The following HDAC4 variants were observed in gnomAD, a reference collection of about 807,000 sequenced individuals.
HDAC4 encodes the protein histone deacetylase A.
In HDAC4, 16 loss-of-function variants were observed where a neutral mutation model predicts 135.1. The ratio of observed to expected loss-of-function variants is 0.12; its 90% CI spans 0.08 to 0.18. The LOEUF (loss-of-function observed/expected upper bound fraction) is 0.18, where lower values mean the gene tolerates loss of function less well. Among genes scored for constraint, HDAC4 ranks in the 10% least tolerant of loss-of-function variants. The probability of loss-of-function intolerance (pLI) is 1.00; values close to 1 mark genes in which losing one functional copy is unlikely to be tolerated. For synonymous variants in HDAC4, 685 were observed against 653.4 expected (o/e 1.05, Z -0.74); for missense variants, 1,143 against 1,511.8 (o/e 0.76, Z 4.05).
At chr2:239,099,075 G>C (rs1304871190) in intron 16 of HDAC4, among the ~76,000 whole-genome samples, 1 of 152,218 alleles carries the variant, frequency 6.6e-6, no homozygotes, top group Admixed American at 6.5e-5. Flanking sequence ...CAAGAAAGGG[G>C]TCTTCCTTTT....
chr2:239,351,590 A>C (rs567236979), intron 2 of HDAC4: 1 of 154,530 alleles, frequency 6.5e-6, no homozygotes, highest in African/African-American at 2.4e-5. Flanking sequence ...GTCAATACAT[A>C]AACAATTTAA....
intron 1 of HDAC4, among the ~76,000 whole-genome samples, chr2:239,395,544 T>G (rs1015307228): frequency 5.9e-5 from 9 of 152,354 alleles, no homozygotes; most frequent in East Asian, 1.9e-4. Flanking sequence ...TTCAAATTAC[T>G]ACTGTAAAAA....
chr2:239,084,775 T>G (rs1303135853), intron 19 of HDAC4, among the ~76,000 whole-genome samples: 1 of 79,014 alleles, frequency 1.3e-5, no homozygotes. Flanking sequence ...CCACACACAC[T>G]CCACACAGAC....
chr2:239,083,879 CA>C (rs934348475), intron 20 of HDAC4, among the ~76,000 whole-genome samples: 6 of 152,252 alleles, frequency 3.9e-5, no homozygotes, highest in African/African-American at 1.4e-4. Context: ...ACCTGTCTTC[CA>C]AGAAGATCTC....
chr2:239,355,670 G>A lies in HDAC4; in HGVS notation c.-219-2752C>T, dbSNP rs576882093. ...TATTTCCCTCTTCCATACATTCTGG[G>A]ATACCCTTTTTTTGACAGGTCCAAA... is the stretch of plus-strand genomic sequence containing the variant. On this transcript the variant is annotated intron_variant, in intron 1 of 26. Transcript: ENST00000543185. Among the ~76,000 whole-genome samples, 14 of 152,254 alleles carry A rather than the reference G, an allele frequency of 9.2e-5. No individual in the cohort carries two copies. The South Asian group carries it at 2.5e-3, about 27-fold the overall frequency.
Position 239,338,937 on chromosome 2 carries a change from G to A in HDAC4, c.22+13741C>T, listed in dbSNP as rs73104751. The stretch of plus-strand genomic sequence containing the variant: ...TCCCCAGTGGCTGAGTTTTGTTTCC[G>A]GAGAGCATGTGTGTTAAACTGACTT... On this transcript the variant is annotated intron_variant, in intron 2 of 26. Transcript: ENST00000543185. Among the ~76,000 whole-genome samples the A allele has an allele frequency of 4.1e-3, 618 of 152,308 alleles. 4 individuals are homozygous for A. The highest frequency in any genetic ancestry group is 0.014 in the African/African-American group (583 of 41,562).
intron 2 of HDAC4, among the ~76,000 whole-genome samples, chr2:239,301,485 T>TTTTC (rs2052268102): frequency 6.6e-6 from 1 of 151,218 alleles, no homozygotes; most frequent in African/African-American, 2.4e-5. Context: ...TTTTTTTTTT[T>TTTTC]TATTTTTCTC....
chr2:239,066,803 G>A lies in HDAC4; in HGVS notation c.2922C>T (p.Val974=). 6.2e-7 allele frequency: 1 copy of A among 1,613,558 alleles called. No homozygotes were observed. The highest frequency in any genetic ancestry group is 8.5e-7 in the Non-Finnish European group (1 of 1,179,956). The part of the protein sequence containing the change: ...QLMGLAGGRI[V]LALEGGHDLT... ...GGTCGTGGCCTCCCTCGAGGGCCAGGACAATCCGGCCGCCAGCCAGGCCCA... is the reference window on the plus strand; with the variant it reads ...GGTCGTGGCCTCCCTCGAGGGCCAGAACAATCCGGCCGCCAGCCAGGCCCA... The change falls in exon 24 of 27, where the codon GTC becomes GTT. Residue 974 remains valine (V), a synonymous_variant. Coordinates refer to ENST00000543185, the MANE Select transcript of HDAC4 (RefSeq NM_001378414.1).
In HDAC4 at chr2:239,349,246, A is replaced by G. The variant is rs1237134855; in HGVS notation, c.22+3432T>C. Among the ~76,000 whole-genome samples, 1 of 152,102 alleles carries G rather than the reference A, an allele frequency of 6.6e-6. No homozygotes were observed. The highest frequency in any genetic ancestry group is 1.5e-5 in the Non-Finnish European group (1 of 68,012). On this transcript the variant is annotated intron_variant, in intron 2 of 26. Coordinates refer to ENST00000543185, the MANE Select transcript of HDAC4 (RefSeq NM_001378414.1). The surrounding 1 kb of genome is among the most constrained non-coding windows in gnomAD (Gnocchi z 5.7). ...AGAGGACGGCACGAGAGACACACGG[A>G]GGGAGGGGAGGTGCAGCCAGGTAGG...
chr2:239,092,170 T>G (rs1259987165), intron 17 of HDAC4, among the ~76,000 whole-genome samples: 3 of 149,690 alleles, frequency 2.0e-5, no homozygotes, highest in African/African-American at 7.4e-5. Context: ...GCCCAGGAGG[T>G]CGAGGCTGCA....
intron 22 of HDAC4, among the ~76,000 whole-genome samples, chr2:239,075,780 C>T (rs1167771144): frequency 3.3e-5 from 5 of 152,370 alleles, no homozygotes; most frequent in South Asian, 4.1e-4. Flanking sequence ...AGCCTGAAGA[C>T]GACATCTCCC....
chr2:239,096,326 C>T (rs974356502), intron 16 of HDAC4, among the ~76,000 whole-genome samples: 8 of 150,670 alleles, frequency 5.3e-5, no homozygotes, highest in Non-Finnish European at 7.4e-5. Flanking sequence ...CACGGATGCC[C>T]GCACCCCCTA....
chr2:239,158,307 T>C (rs2042553671), intron 6 of HDAC4, among the ~76,000 whole-genome samples: 1 of 152,196 alleles, frequency 6.6e-6, no homozygotes, highest in South Asian at 2.1e-4. Context: ...CCGCGTTCAC[T>C]TTTTCCTTCA....
chr2:239,236,274 C>G (rs1428458075), intron 3 of HDAC4, among the ~76,000 whole-genome samples: 1 of 152,198 alleles, frequency 6.6e-6, no homozygotes, highest in Non-Finnish European at 1.5e-5. Flanking sequence ...TTCCTACAGG[C>G]CCTCACGGGG....
intron 2 of HDAC4, among the ~76,000 whole-genome samples, chr2:239,272,697 G>A (rs866676045): frequency 3.3e-5 from 5 of 152,276 alleles, no homozygotes; most frequent in Middle Eastern, 3.4e-3. Context: ...GGAACCTCTC[G>A]CAGCCAACCA....
chr2:239,111,764 G>C, intron 13 of HDAC4, 52 bp from the exon 14 acceptor site: 1 of 1,500,220 alleles, frequency 6.7e-7, no homozygotes, highest in Non-Finnish European at 9.1e-7. Flanking sequence ...CCCGCCCCTG[G>C]GCTGCAGGGC....
intron 3 of HDAC4, among the ~76,000 whole-genome samples, chr2:239,231,380 G>T (rs2047543915): frequency 6.6e-6 from 1 of 152,154 alleles, no homozygotes; most frequent in South Asian, 2.1e-4. Flanking sequence ...GCAGTCATGT[G>T]TCCTGCCCTG....
intron 3 of HDAC4, chr2:239,190,993 GCTCCTGGC>G (rs2044908687): frequency 2.1e-6 from 1 of 465,364 alleles, no homozygotes; most frequent in Non-Finnish European, 4.4e-6. Context: ...AGCCAGCACT[GCTCCTGGC>G]ACAGCCCAGG....
chr2:239,275,057 T>C (rs899164304), intron 2 of HDAC4, among the ~76,000 whole-genome samples: 7 of 152,248 alleles, frequency 4.6e-5, no homozygotes, highest in African/African-American at 7.2e-5. Flanking sequence ...TATGTGCCCC[T>C]GGCCACAGGA....
Sources: allele counts gnomAD v4.1 joint callset (sites outside exome capture counted in the v4.1 genomes callset), GRCh38; gene constraint gnomAD v4.1.1; non-coding constraint Gnocchi (gnomAD v3.1); transcripts MANE v1.5; gene names NCBI Gene and HGNC (gene_info 2026-07-23, HGNC 2026-07-21).